Variants in PGM5 observed in about 807,000 individuals in gnomAD.
PGM5 encodes the protein phosphoglucomutase 5, also known as phosphoglucomutase-like protein 5.
A neutral mutation model predicts 59.2 loss-of-function variants in PGM5; 23 were observed. The ratio of observed to expected loss-of-function variants is 0.39; its 90% CI spans 0.28 to 0.55. The LOEUF is 0.55. Ranked by LOEUF, PGM5 falls within the 20% of genes least tolerant of loss-of-function variation. PGM5 has a pLI of 0.66. For synonymous variants in PGM5, 214 were observed against 286.0 expected (o/e 0.75, Z 2.54); for missense variants, 574 against 748.3 (o/e 0.77, Z 2.72).
At chr9:68,405,848 C>T (rs1205332464) in intron 6 of PGM5, 2 of 152,180 alleles carry the variant, frequency 1.3e-5, no homozygotes, top group African/African-American at 4.8e-5. Context: ...CTTTAGCAAA[C>T]TTCACTGCCA....
intron 1 of PGM5, among the ~76,000 whole-genome samples, chr9:68,372,551 G>A (rs745423028): frequency 7.2e-5 from 11 of 152,230 alleles, no homozygotes; most frequent in Non-Finnish European, 1.5e-4. Context: ...CCATAGCCAG[G>A]TCAGCCTTGG....
chr9:68,411,402 C>A (rs1822927682), intron 6 of PGM5, among the ~76,000 whole-genome samples: 1 of 135,064 alleles, frequency 7.4e-6, no homozygotes, highest in Admixed American at 7.9e-5. Context: ...TATACACACA[C>A]ATATATACAC....
At chr9:68,372,234 A>G (rs1222558562) in intron 1 of PGM5, among the ~76,000 whole-genome samples, 2 of 151,020 alleles carry the variant, frequency 1.3e-5, no homozygotes, top group African/African-American at 2.4e-5. Context: ...AAATCAAGGT[A>G]TCGGCATGGC....
intron 6 of PGM5, among the ~76,000 whole-genome samples, chr9:68,407,636 C>A (rs1286452437): frequency 6.6e-6 from 1 of 152,142 alleles, no homozygotes; most frequent in Non-Finnish European, 1.5e-5. Flanking sequence ...AGCCTCAAAC[C>A]CCCAAACAGA....
Position 68,387,467 on chromosome 9 carries a change from G to A in PGM5, c.576G>A (p.Glu192=), listed in dbSNP as rs76026136. The A allele has an allele frequency of 0.01, 16,514 of 1,609,168 alleles. 889 individuals are homozygous for A. In the African/African-American group the frequency reaches 0.19, roughly 18 times the overall value. ...LENKFKPFRV[E]IVDPVDIYLN... The stretch of plus-strand genomic sequence containing the variant: ...CCTTTGTTTTTCTATCTTTAGTGGA[G>A]ATAGTGGACCCAGTGGATATCTATC... Residue 192 remains glutamate (E), a synonymous_variant, in exon 4 of 11, where the codon GAG becomes GAA. Transcript: ENST00000396396.
chr9:68,382,800 TG>T (rs1399806791), intron 2 of PGM5, among the ~76,000 whole-genome samples: 1 of 151,726 alleles, frequency 6.6e-6, no homozygotes, highest in Non-Finnish European at 1.5e-5. Flanking sequence ...TCAGCATGGA[TG>T]GTTGAATGGC....
At chr9:68,458,382 G>A (rs1823810302) in intron 6 of PGM5, among the ~76,000 whole-genome samples, 1 of 152,180 alleles carries the variant, frequency 6.6e-6, no homozygotes, top group East Asian at 1.9e-4. Flanking sequence ...GGCCCATGGG[G>A]TTGGGGTCCA....
intron 6 of PGM5, among the ~76,000 whole-genome samples, chr9:68,439,542 C>G (rs1823494042): frequency 6.9e-6 from 1 of 144,026 alleles, no homozygotes; most frequent in Non-Finnish European, 1.5e-5. Flanking sequence ...ATATATATGA[C>G]AGCTGTTTCT....
intron 6 of PGM5, among the ~76,000 whole-genome samples, chr9:68,399,657 G>A (rs1822615355): frequency 6.6e-6 from 1 of 150,854 alleles, no homozygotes; most frequent in Non-Finnish European, 1.5e-5. Context: ...TCTATTTAGG[G>A]TTCTTCTTTT....
intron 6 of PGM5, among the ~76,000 whole-genome samples, chr9:68,423,096 T>C (rs1382769599): frequency 6.6e-6 from 1 of 152,226 alleles, no homozygotes; most frequent in Non-Finnish European, 1.5e-5. Flanking sequence ...TGTATATATA[T>C]ACCACAGTTT....
At chr9:68,512,414 G>A (rs2132113879) in intron 10 of PGM5, among the ~76,000 whole-genome samples, 1 of 152,272 alleles carries the variant, frequency 6.6e-6, no homozygotes, top group Admixed American at 6.5e-5. Flanking sequence ...CCACAAACTG[G>A]GTGGCTTACA....
chr9:68,428,642 T>C (rs782380939), intron 6 of PGM5: 1 of 152,210 alleles, frequency 6.6e-6, no homozygotes, highest in Non-Finnish European at 1.5e-5. Context: ...TGATTCTGCA[T>C]GGGATCAGGA....
chr9:68,505,434 C>T (rs1379566357), intron 10 of PGM5, among the ~76,000 whole-genome samples: 3 of 152,214 alleles, frequency 2.0e-5, no homozygotes, highest in South Asian at 2.1e-4. Context: ...CAAGATTGCT[C>T]CTACTAGGAA....
chr9:68,492,953 A>T (rs1554687961), intron 9 of PGM5, among the ~76,000 whole-genome samples: 2 of 152,116 alleles, frequency 1.3e-5, no homozygotes, highest in African/African-American at 2.4e-5. Flanking sequence ...CCTGTGGGAG[A>T]TAAGATCTGA....
At chr9:68,368,843 C>T (rs1834729725) in intron 1 of PGM5, among the ~76,000 whole-genome samples, 1 of 152,188 alleles carries the variant, frequency 6.6e-6, no homozygotes, top group South Asian at 2.1e-4. Context: ...TGAGGTCTTG[C>T]TGTATTGCCC....
chr9:68,371,600 T>C (rs553998725), intron 1 of PGM5: 1 of 152,210 alleles, frequency 6.6e-6, no homozygotes, highest in Non-Finnish European at 1.5e-5. Flanking sequence ...CTCTTCTTTC[T>C]TGGCTTTTCA....
chr9:68,423,413 G>A (rs1050720745), intron 6 of PGM5, among the ~76,000 whole-genome samples: 7 of 152,064 alleles, frequency 4.6e-5, no homozygotes, highest in Non-Finnish European at 2.9e-5. Context: ...TTGGATTATG[G>A]CCATTCTGCA....
rs189366995 is a variant in PGM5, at chr9:68,458,942, A to T, written c.1044-6151A>T. ...GGCTTTTAAAGTGCAAACTCATATA[A>T]GCCTTTTACCATACAGCAGCCCCAG... On this transcript the variant is annotated intron_variant, in intron 6 of 10. Transcript: ENST00000396396. Among the ~76,000 whole-genome samples the T allele has an allele frequency of 7.2e-5, 11 of 152,294 alleles. No homozygotes were observed. The East Asian group carries it at 1.4e-3, about 19-fold the overall frequency.
intron 10 of PGM5, among the ~76,000 whole-genome samples, chr9:68,515,854 G>A (rs1331660241): frequency 6.6e-6 from 1 of 152,200 alleles, no homozygotes; most frequent in Non-Finnish European, 1.5e-5. Flanking sequence ...TGGTATGCTG[G>A]TCCACTCACC....
Sources: gnomAD v4.1 joint callset for allele counts (sites outside exome capture counted in the v4.1 genomes callset) on GRCh38, gnomAD v4.1.1 for gene constraint, MANE v1.5 for transcripts, NCBI Gene and HGNC (gene_info 2026-07-23, HGNC 2026-07-21) for gene names.